The following ZNF330 variants were observed in gnomAD, a reference collection of about 807,000 sequenced individuals.
ZNF330 encodes the protein nucleolar atypical zinc finger.
A neutral mutation model predicts 45.5 loss-of-function variants in ZNF330; 31 were observed. The ratio of observed to expected loss-of-function variants is 0.68; its 90% CI spans 0.51 to 0.92. ZNF330 has a LOEUF of 0.92. Among genes scored for constraint, ZNF330 ranks in the 40% least tolerant of loss-of-function variants. The pLI is 0.00. For missense variants in ZNF330, 356 were observed against 387.4 expected, an observed-to-expected ratio of 0.92 and a Z score of 0.68; for synonymous variants, 138 against 123.2, an observed-to-expected ratio of 1.12 and a Z score of -0.79.
intron 8 of ZNF330, among the ~76,000 whole-genome samples, chr4:141,232,092 A>G (rs929415778): frequency 3.9e-5 from 6 of 151,980 alleles, no homozygotes; most frequent in Non-Finnish European, 8.8e-5. Flanking sequence ...TCGTGTCTCT[A>G]AGATGCCTTT....
rs778287527 is a variant in ZNF330, at chr4:141,224,692, AT to A, written c.211+17del. ...TGCACAGTGTGGTAAGTTTGTAATAATTAAGGACATATGCTTTTTATCAACT... is the reference window on the plus strand; with the variant it reads ...TGCACAGTGTGGTAAGTTTGTAATAATAAGGACATATGCTTTTTATCAACT... On this transcript the variant is annotated intron_variant, in intron 4 of 9. Transcript: ENST00000262990. 4.4e-6 allele frequency: 7 copies of A among 1,607,870 alleles called. No homozygotes were observed. In the Admixed American group the frequency reaches 1.0e-4, roughly 23 times the overall value.
At chr4:141,223,410 C>T (rs1166094825) in intron 2 of ZNF330, among the ~76,000 whole-genome samples, 1 of 152,146 alleles carries the variant, frequency 6.6e-6, no homozygotes, top group African/African-American at 2.4e-5. Flanking sequence ...ACTTGTAGTT[C>T]TATCTTTTGC....
chr4:141,231,523 T>C, intron 8 of ZNF330, 38 bp downstream of exon 8: 1 of 1,531,616 alleles, frequency 6.5e-7, no homozygotes, highest in Non-Finnish European at 8.9e-7. Flanking sequence ...GATTTTGTTT[T>C]TAATCTCTAT....
At chr4:141,224,562 T>TA in intron 3 of ZNF330, 45 bp from the exon 4 acceptor site, 1 of 1,609,566 alleles carries the variant, frequency 6.2e-7, no homozygotes, top group South Asian at 1.1e-5. Flanking sequence ...TCTGACTTTT[T>TA]ATCTGACATT....
chr4:141,223,182 T>G (rs762758517), intron 2 of ZNF330, among the ~76,000 whole-genome samples: 7 of 152,224 alleles, frequency 4.6e-5, no homozygotes, highest in African/African-American at 7.2e-5. Flanking sequence ...TCAGACACTG[T>G]GGGTAGTGAT....
chr4:141,232,805 G>A (rs747326498), intron 9 of ZNF330, among the ~76,000 whole-genome samples, 163 bp downstream of exon 9: 9 of 151,884 alleles, frequency 5.9e-5, no homozygotes, highest in Admixed American at 3.9e-4. Flanking sequence ...AAATATGTGG[G>A]TAAAGTTTTT....
At chr4:141,227,403 C>G (rs1009530033) in intron 5 of ZNF330, among the ~76,000 whole-genome samples, 1 of 152,002 alleles carries the variant, frequency 6.6e-6, no homozygotes, top group Admixed American at 6.6e-5. Flanking sequence ...GTTTTTTGTC[C>G]TTGCGATAGT....
At chr4:141,224,714 C>T in intron 4 of ZNF330, 37 bp downstream of exon 4, 1 of 1,566,976 alleles carries the variant, frequency 6.4e-7, no homozygotes, top group Non-Finnish European at 8.8e-7. Context: ...TGCTTTTTAT[C>T]AACTGGTAGT....
intron 9 of ZNF330, among the ~76,000 whole-genome samples, chr4:141,233,188 A>C (rs776101695): frequency 6.6e-6 from 1 of 152,158 alleles, no homozygotes; most frequent in Non-Finnish European, 1.5e-5. Context: ...TTAACCAAAC[A>C]TATCAGAATG....
At chr4:141,232,412 A>G (rs974095918) in intron 8 of ZNF330, 113 bp from the exon 9 acceptor site, 2 of 525,652 alleles carry the variant, frequency 3.8e-6, no homozygotes, top group Middle Eastern at 5.4e-4. Flanking sequence ...GCTCCCAACA[A>G]AATTGTTAAT....
chr4:141,233,818 T>C lies in ZNF330; in HGVS notation c.792T>C (p.Asp264=). 6.2e-7 allele frequency: 1 copy of C among 1,613,726 alleles called. No individual in the cohort carries two copies. Among genetic ancestry groups the C allele is most frequent in the Non-Finnish European group, 8.5e-7 (1 of 1,179,778 alleles). ...ACCTTTCATCTGATAAGTATGGTGA[T>C]ACCAGCTACCACGATGAGGAGGAGG... ...WKNLSSDKYG[D]TSYHDEEEDE... is the part of the protein sequence containing the mutation. The change falls in exon 10 of 10, where the codon GAT becomes GAC. Residue 264 remains aspartate, a synonymous_variant. Coordinates refer to ENST00000262990, the MANE Select transcript of ZNF330 (RefSeq NM_014487.6).
Position 141,224,500 on chromosome 4 carries a change from G to A in ZNF330, c.134G>A (p.Cys45Tyr). Residue 45 changes from cysteine (C) to tyrosine (Y), a missense_variant, in exon 3 of 10, where the codon TGT (cysteine) becomes TAT (tyrosine). Transcript: ENST00000262990. The part of the protein sequence containing the change: ...PCNASMECDK[C>Y]QRRQKNRAFC... The stretch of plus-strand genomic sequence containing the variant: ...TATATGTTACAGGAATGTGACAAGT[G>A]TCAGAGGTAAATTTTATTTCTTTTT... The A allele has an allele frequency of 6.2e-7, 1 of 1,608,772 alleles. No homozygotes were observed. The highest frequency in any genetic ancestry group is 8.5e-7 in the Non-Finnish European group (1 of 1,176,498).
At chr4:141,224,787 T>C (rs1446915789) in intron 4 of ZNF330, 110 bp downstream of exon 4, 1 of 858,744 alleles carries the variant, frequency 1.2e-6, no homozygotes, top group African/African-American at 1.7e-5. Context: ...TTGTTGATAA[T>C]ATTATGCCTT....
intron 1 of ZNF330, among the ~76,000 whole-genome samples, chr4:141,221,604 C>T (rs1413515704): frequency 6.6e-6 from 1 of 152,018 alleles, no homozygotes; most frequent in Admixed American, 6.6e-5. Context: ...GGCTATTTTT[C>T]AGTTGCTACC....
At chr4:141,227,210 C>T (rs1346519369) in intron 5 of ZNF330, among the ~76,000 whole-genome samples, 1 of 151,334 alleles carries the variant, frequency 6.6e-6, no homozygotes, top group Non-Finnish European at 1.5e-5. Flanking sequence ...ATACATGTGC[C>T]ATGTTGGTGT....
intron 2 of ZNF330, chr4:141,223,816 C>T (rs1213861949): frequency 2.2e-6 from 1 of 455,360 alleles, no homozygotes; most frequent in Non-Finnish European, 4.4e-6. Flanking sequence ...GTACACTTCA[C>T]AGAAGAGGTG....
chr4:141,229,011 A>C (rs1489162392), intron 5 of ZNF330, among the ~76,000 whole-genome samples: 1 of 152,054 alleles, frequency 6.6e-6, no homozygotes, highest in Non-Finnish European at 1.5e-5. Flanking sequence ...CATATATTTT[A>C]CTTCAAATTT....
At position 141,233,952 on chromosome 4, in the gene ZNF330, C is replaced by T. The variant is rs764281610; in HGVS notation, c.926C>T (p.Ala309Val). The T allele has an allele frequency of 1.2e-6, 2 of 1,613,524 alleles. No individual in the cohort carries two copies. Among genetic ancestry groups the T allele is most frequent in the Non-Finnish European group, 1.7e-6 (2 of 1,179,632 alleles). The change falls in exon 10 of 10, where the codon GCT (alanine) becomes GTT (valine). Residue 309 changes from alanine (A) to valine (V), a missense_variant. Physicochemically the swap from Ala to Val is moderately conservative, Grantham distance 64. Coordinates refer to ENST00000262990, the MANE Select transcript of ZNF330 (RefSeq NM_014487.6). ...AATTTGAATTTAGGAAGGACCTATG[C>T]TAGTGGCTATGCTCACTATGAGGAA... is the stretch of plus-strand genomic sequence containing the variant. Reference protein sequence around the residue: ...FTNLNLGRTYASGYAHYEEQE... With the variant: ...FTNLNLGRTYVSGYAHYEEQE...
At chr4:141,227,222 G>C (rs76694551) in intron 5 of ZNF330, among the ~76,000 whole-genome samples, 3 of 151,182 alleles carry the variant, frequency 2.0e-5, no homozygotes, top group Middle Eastern at 6.8e-3. Flanking sequence ...TGTTGGTGTG[G>C]TGCACCCATT....
Sources: allele counts gnomAD v4.1 joint callset (sites outside exome capture counted in the v4.1 genomes callset), GRCh38; gene constraint gnomAD v4.1.1; transcripts MANE v1.5; gene names NCBI Gene and HGNC (gene_info 2026-07-23, HGNC 2026-07-21).